The following RASSF9 variants were observed in gnomAD, a reference collection of about 807,000 sequenced individuals.
RASSF9 encodes the protein ras association domain-containing protein 9.
A neutral mutation model predicts 21.4 loss-of-function variants in RASSF9; 18 were observed. The observed-to-expected ratio is 0.84, with a 90% confidence interval of 0.58 to 1.25. The LOEUF (loss-of-function observed/expected upper bound fraction) is 1.25, where lower values mean the gene tolerates loss of function less well. Ranked by LOEUF, RASSF9 falls within the 50% of genes most tolerant of loss-of-function variation. RASSF9 has a pLI of 0.00. For synonymous variants in RASSF9, 183 were observed against 179.1 expected (o/e 1.02, Z -0.18); for missense variants, 480 against 503.2 (o/e 0.95, Z 0.44).
In RASSF9 at chr12:85,805,199, C is replaced by A; in HGVS notation, c.811G>T (p.Glu271Ter). Residue 271 changes from glutamate (E) to a stop codon, truncating the protein, a stop_gained, in exon 2 of 2, where the codon GAA becomes TAA. Transcript: ENST00000361228. LOFTEE classifies it high-confidence loss of function. The part of the protein sequence containing the change: ...SESDGIEQLE[E>*]RLKYYRILID... ...AGTATTCGGTAATATTTCAGTCGTT[C>A]TTCCAGCTGTTCAATTCCATCACTT... 5 of 1,613,864 alleles carry A rather than the reference C, an allele frequency of 3.1e-6. No homozygotes were observed. Among genetic ancestry groups the A allele is most frequent in the Middle Eastern group, 1.6e-4 (1 of 6,062 alleles).
At chr12:85,833,699 C>T (rs1202528372) in intron 1 of RASSF9, among the ~76,000 whole-genome samples, 1 of 151,894 alleles carries the variant, frequency 6.6e-6, no homozygotes, top group Admixed American at 6.6e-5. Flanking sequence ...TATTTTCCTG[C>T]TGATAAAGAT....
In RASSF9 at chr12:85,802,639, C is replaced by G. The variant is rs1565750008; in HGVS notation, c.*2063G>C. The G allele has an allele frequency of 6.6e-6, 1 of 152,058 alleles. No homozygotes were observed. The highest frequency in any genetic ancestry group is 1.5e-5 in the Non-Finnish European group (1 of 67,970). The allele number at this position is 152,058 out of a possible 1,614,324, so 9.4% of individuals were successfully genotyped here. A position where few individuals can be genotyped will look rare whatever the true frequency, so the allele number is the denominator to read the frequency against. On this transcript the variant is annotated 3_prime_UTR_variant, in exon 2 of 2. Coordinates refer to ENST00000361228, the MANE Select transcript of RASSF9 (RefSeq NM_005447.4). ...ACTTCTTATCAGAACCTCTTGAATT[C>G]AGATAATTAGTCAAATAGATAAGCA...
Position 85,805,297 on chromosome 12 carries a change from G to T in RASSF9, c.713C>A (p.Pro238His). ...ENYVQDAYLM[P>H]SFSEVEQNLD... ...ATTTTGCTCAACTTCACTGAAACTG[G>T]GCATTAAATATGCATCCTGAACATA... is the stretch of plus-strand genomic sequence containing the variant. Residue 238 changes from proline to histidine, a missense_variant, in exon 2 of 2, where the codon CCC becomes CAC. Pro to His is a moderately conservative substitution (Grantham distance 77). Transcript: ENST00000361228. 1 of 1,613,252 alleles carries T rather than the reference G, an allele frequency of 6.2e-7. No individual in the cohort carries two copies. Among genetic ancestry groups the T allele is most frequent in the Non-Finnish European group, 8.5e-7 (1 of 1,179,792 alleles).
At chr12:85,820,717 A>T (rs778850509) in intron 1 of RASSF9, among the ~76,000 whole-genome samples, 55 of 152,274 alleles carry the variant, frequency 3.6e-4, no homozygotes, top group Non-Finnish European at 5.9e-4. Flanking sequence ...ACATTAAAAA[A>T]TTTTTTTCAG....
chr12:85,832,939 T>C (rs1220696909), intron 1 of RASSF9, among the ~76,000 whole-genome samples: 1 of 151,884 alleles, frequency 6.6e-6, no homozygotes, highest in Non-Finnish European at 1.5e-5. Context: ...ACAGAAAGAA[T>C]TTAGGTTGGT....
chr12:85,829,490 C>G (rs1880404113), intron 1 of RASSF9, among the ~76,000 whole-genome samples: 1 of 152,106 alleles, frequency 6.6e-6, no homozygotes, highest in South Asian at 2.1e-4. Flanking sequence ...TTTCCACCAA[C>G]TCAACTAAGA....
Position 85,805,169 on chromosome 12 carries a change from C to A in RASSF9, c.841G>T (p.Asp281Tyr). 6.2e-7 allele frequency: 1 copy of A among 1,613,876 alleles called. No individual in the cohort carries two copies. The highest frequency in any genetic ancestry group is 8.5e-7 in the Non-Finnish European group (1 of 1,179,896). ...TTTTCTATTTCAGCAGAGAGCTTAT[C>A]AATGAGTATTCGGTAATATTTCAGT... ...ERLKYYRILI[D>Y]KLSAEIEKEV... is the part of the protein sequence containing the mutation. Residue 281 changes from aspartate to tyrosine, a missense_variant, in exon 2 of 2, where the codon GAT becomes TAT. Transcript: ENST00000361228.
Sources: allele counts gnomAD v4.1 joint callset (sites outside exome capture counted in the v4.1 genomes callset), GRCh38; gene constraint gnomAD v4.1.1; transcripts MANE v1.5; gene names NCBI Gene and HGNC (gene_info 2026-07-23, HGNC 2026-07-21).